The following COL5A2 variants were observed in gnomAD, a reference collection of about 807,000 sequenced individuals.
The protein encoded by COL5A2 is collagen type V alpha 2 chain.
Under a neutral mutation model 208.2 loss-of-function variants are expected in COL5A2, and 23 were observed. The observed-to-expected ratio is 0.11, with a 90% CI of 0.08 to 0.16. The LOEUF is 0.16. Among genes scored for constraint, COL5A2 ranks in the 10% least tolerant of loss-of-function variants. The pLI, the probability that COL5A2 is intolerant of heterozygous loss-of-function variation, is 1.00. For synonymous variants in COL5A2, 625 were observed against 628.5 expected (o/e 0.99, Z 0.08); for missense variants, 1,590 against 1,956.4 (o/e 0.81, Z 3.53).
intron 1 of COL5A2, among the ~76,000 whole-genome samples, chr2:189,159,702 TA>T (rs200852307): frequency 0.038 from 3,983 of 103,982 alleles, 190 homozygotes; most frequent in African/African-American, 0.11. Flanking sequence ...AAAAATTATT[TA>T]AAAAAATCTA....
At chr2:189,392,111 C>A in the COL5A2 span, among the ~76,000 whole-genome samples, 3 of 152,162 alleles carry the variant, frequency 2.0e-5, no homozygotes, top group East Asian at 5.8e-4. Flanking sequence ...TATACAAATG[C>A]ATTTTTACAT....
intron 1 of COL5A2, among the ~76,000 whole-genome samples, chr2:189,128,992 G>A (rs1430990921): frequency 1.3e-5 from 2 of 151,724 alleles, no homozygotes; most frequent in Admixed American, 6.6e-5. Context: ...CTGGTATTTC[G>A]GTAACAAATC....
chr2:189,072,445 T>C (rs1281427972), intron 17 of COL5A2, among the ~76,000 whole-genome samples: 1 of 152,166 alleles, frequency 6.6e-6, no homozygotes, highest in Non-Finnish European at 1.5e-5. Context: ...TATATCAAAA[T>C]CTAGTACTTC....
chr2:189,048,678 TC>T lies in COL5A2; in HGVS notation c.3148-417del, dbSNP rs201920123. 4.5e-3 allele frequency among the ~76,000 whole-genome samples: 686 copies of T among 152,330 alleles called. 5 individuals are homozygous for T. Among genetic ancestry groups the T allele is most frequent in the African/African-American group, 0.015 (631 of 41,582 alleles). Reference sequence around the variant, plus strand: ...ATTAAACTACTTTAAGAAATAGTCTTCCTTTTCTATTTTATTGTGATTTTTT... The same window carrying T: ...ATTAAACTACTTTAAGAAATAGTCTTCTTTTCTATTTTATTGTGATTTTTT... On this transcript the variant is annotated intron_variant, in intron 44 of 53. Transcript: ENST00000374866.
At chr2:189,419,834 G>A in the COL5A2 span, among the ~76,000 whole-genome samples, 2 of 149,566 alleles carry the variant, frequency 1.3e-5, no homozygotes, top group African/African-American at 4.9e-5. Context: ...GAGGAGAGGA[G>A]AGGAAAGGAA....
intron 1 of COL5A2, among the ~76,000 whole-genome samples, chr2:189,190,922 T>C (rs534219493): frequency 1.4e-4 from 21 of 152,108 alleles, no homozygotes; most frequent in African/African-American, 4.8e-4. Context: ...CGTGGTTTGG[T>C]GGTAATAGAC....
rs930742709 is a variant in COL5A2, at chr2:189,072,111, A to G, written c.1105-18T>C. ...AGAGGACCCTATTAAAAGAAACCAG[A>G]AAAGTAATCAGACATGTATTCAATT... On this transcript the variant is annotated intron_variant, in intron 17 of 53. Coordinates refer to ENST00000374866, the MANE Select transcript of COL5A2 (RefSeq NM_000393.5). The G allele has an allele frequency of 3.3e-5, 53 of 1,586,484 alleles. No individual in the cohort carries two copies. The highest frequency in any genetic ancestry group is 4.4e-5 in the Non-Finnish European group (51 of 1,157,142).
Position 189,072,765 on chromosome 2 carries a change from C to CAAAAAAAAAAA in COL5A2, c.1105-683_1105-673dup, listed in dbSNP as rs58636533. The stretch of plus-strand genomic sequence containing the variant: ...CCAACCTGCAGTCAGACTCCATCTC[C>CAAAAAAAAAAA]AAAAAAAAAAAAAAAAAAAAACCAT... On this transcript the variant is annotated intron_variant, in intron 17 of 53. Transcript: ENST00000374866. Among the ~76,000 whole-genome samples, 29 of 67,528 alleles carry CAAAAAAAAAAA rather than the reference C, an allele frequency of 4.3e-4. 1 individual carries two copies. The highest frequency in any genetic ancestry group is 7.7e-4 in the Non-Finnish European group (27 of 35,050). The allele number at this position is 67,528 out of a possible 152,430, so 44.3% of individuals were successfully genotyped here. A position where few individuals can be genotyped will look rare whatever the true frequency, so the allele number is the denominator to read the frequency against.
chr2:189,097,953 T>C (rs1368350016), intron 5 of COL5A2, among the ~76,000 whole-genome samples: 1 of 152,238 alleles, frequency 6.6e-6, no homozygotes, highest in Non-Finnish European at 1.5e-5. Flanking sequence ...CAAATCTTAA[T>C]TACAGTTACT....
At chr2:189,395,798 T>C in the COL5A2 span, among the ~76,000 whole-genome samples, 2 of 148,192 alleles carry the variant, frequency 1.3e-5, no homozygotes, top group African/African-American at 5.0e-5. Flanking sequence ...ATCCCAGCTA[T>C]TTGGGAGGCT....
At chr2:189,252,720 C>G in the COL5A2 span, among the ~76,000 whole-genome samples, 4 of 151,418 alleles carry the variant, frequency 2.6e-5, no homozygotes, top group African/African-American at 9.7e-5. Context: ...ATGTAACAAA[C>G]CTGCACATTG....
chr2:189,377,238 C>T, the COL5A2 span, among the ~76,000 whole-genome samples: 1 of 152,204 alleles, frequency 6.6e-6, no homozygotes, highest in Non-Finnish European at 1.5e-5. Context: ...GCCTTCAGTG[C>T]CCTTCCCTTC....
At chr2:189,179,411 C>T in intron 1 of COL5A2, 97 bp downstream of exon 1, 1 of 1,413,090 alleles carries the variant, frequency 7.1e-7, no homozygotes, top group South Asian at 1.2e-5. Context: ...AACTTCAAAC[C>T]AGAACCTCCT....
the COL5A2 span, among the ~76,000 whole-genome samples, chr2:189,438,778 A>G: frequency 1.3e-5 from 2 of 152,210 alleles, no homozygotes. Context: ...GATATCAAAG[A>G]AAGCAGATTT....
chr2:189,122,593 C>A (rs143702067), intron 1 of COL5A2, among the ~76,000 whole-genome samples: 253 of 152,278 alleles, frequency 1.7e-3, no homozygotes, highest in African/African-American at 5.7e-3. Flanking sequence ...GTACACCTGG[C>A]AAATACCTGC....
intron 1 of COL5A2, among the ~76,000 whole-genome samples, chr2:189,141,031 T>TA (rs1474361459): frequency 6.6e-6 from 1 of 152,194 alleles, no homozygotes; most frequent in Non-Finnish European, 1.5e-5. Context: ...ATTCTTTTAT[T>TA]AAAAGGAACT....
At chr2:189,222,455 A>C (rs1689358686) in intron 1 of COL5A2, among the ~76,000 whole-genome samples, 1 of 152,174 alleles carries the variant, frequency 6.6e-6, no homozygotes, top group Non-Finnish European at 1.5e-5. Flanking sequence ...TTTTCATAAT[A>C]TATTCTCCAA....
the COL5A2 span, among the ~76,000 whole-genome samples, chr2:189,258,858 C>T: frequency 5.3e-5 from 8 of 152,168 alleles, no homozygotes; most frequent in East Asian, 1.5e-3. Flanking sequence ...GCCAATGAGC[C>T]AGGGCAAATT....
At chr2:189,341,246 C>G in the COL5A2 span, among the ~76,000 whole-genome samples, 1 of 152,130 alleles carries the variant, frequency 6.6e-6, no homozygotes, top group African/African-American at 2.4e-5. Context: ...TGTAGAGTCA[C>G]TAACATGACT....
Sources: gnomAD v4.1 joint callset for allele counts (sites outside exome capture counted in the v4.1 genomes callset) on GRCh38, gnomAD v4.1.1 for gene constraint, MANE v1.5 for transcripts, NCBI Gene and HGNC (gene_info 2026-07-23, HGNC 2026-07-21) for gene names.